PLEKHA5: variants seen among roughly 807,000 people sequenced by gnomAD.
PLEKHA5 encodes the protein pleckstrin homology domain-containing family A member 5.
PLEKHA5 carries 55 observed loss-of-function variants against 181.9 expected under a neutral mutation model. That is an observed-to-expected ratio of 0.30 (90% CI 0.24 to 0.38). The LOEUF (loss-of-function observed/expected upper bound fraction) is 0.38. Ranked by LOEUF, PLEKHA5 falls within the 10% of genes least tolerant of loss-of-function variation. PLEKHA5 has a pLI of 1.00. For missense variants in PLEKHA5, 1,432 were observed against 1,549.5 expected (o/e 0.92, Z 1.27); for synonymous variants, 535 against 529.4 (o/e 1.01, Z -0.15).
chr12:19,356,101 G>T (rs1273917069), intron 26 of PLEKHA5, among the ~76,000 whole-genome samples: 4 of 151,672 alleles, frequency 2.6e-5, no homozygotes, highest in African/African-American at 9.7e-5. Flanking sequence ...GGAGGCGGAG[G>T]TCGCAGTGAG....
chr12:19,176,268 A>G (rs1398742825), intron 3 of PLEKHA5: 1 of 85,790 alleles, frequency 1.2e-5, no homozygotes, highest in Non-Finnish European at 2.5e-5. Context: ...AATAAAGTAG[A>G]TAAGTAATTT....
chr12:19,349,523 T>G (rs2094489486), intron 25 of PLEKHA5, among the ~76,000 whole-genome samples: 1 of 152,110 alleles, frequency 6.6e-6, no homozygotes, highest in South Asian at 2.1e-4. Flanking sequence ...ATTTCTGTAA[T>G]GTATACTCTG....
intron 3 of PLEKHA5, among the ~76,000 whole-genome samples, chr12:19,192,194 A>G (rs531406445): frequency 3.2e-4 from 48 of 152,286 alleles, no homozygotes; most frequent in African/African-American, 1.1e-3. Context: ...TTATTTTTCA[A>G]TTTTATAAAA....
chr12:19,291,803 CAT>C (rs2078528608), intron 15 of PLEKHA5, 106 bp downstream of exon 15: 2 of 595,940 alleles, frequency 3.4e-6, no homozygotes, highest in Admixed American at 6.6e-5. Flanking sequence ...GAATTAATAA[CAT>C]GACTTTTACA....
intron 3 of PLEKHA5, chr12:19,150,600 T>C (rs1395164776): frequency 1.3e-5 from 2 of 152,268 alleles, no homozygotes; most frequent in Admixed American, 6.5e-5. Context: ...AGTGCCTTTC[T>C]GTTCTTAGGA....
rs188964008 is a variant in PLEKHA5 at position 19,326,799 on chromosome 12, G to A, written c.2448+4132G>A. On this transcript the variant is annotated intron_variant, in intron 20 of 31. Coordinates refer to ENST00000429027, the MANE Select transcript of PLEKHA5 (RefSeq NM_001256470.2). ...GAGTACCAGTGTTTAGCTTCCACCT[G>A]TAAGTGAGAACATACGGTATTTGGT... Among the ~76,000 whole-genome samples the A allele has an allele frequency of 5.5e-4, 84 of 152,248 alleles. 1 individual carries two copies. The highest frequency in any genetic ancestry group is 1.8e-3 in the African/African-American group (76 of 41,540).
intron 3 of PLEKHA5, among the ~76,000 whole-genome samples, chr12:19,253,699 A>G (rs1434498880): frequency 2.7e-5 from 4 of 150,830 alleles, no homozygotes; most frequent in African/African-American, 9.9e-5. Flanking sequence ...GGGCGCCTAT[A>G]ATCCAAGCTA....
At chr12:19,349,249 G>A (rs2094475761) in intron 25 of PLEKHA5, among the ~76,000 whole-genome samples, 1 of 151,870 alleles carries the variant, frequency 6.6e-6, no homozygotes. Flanking sequence ...CCAAGTAGCT[G>A]GGACTACAGG....
chr12:19,259,776 T>C lies in PLEKHA5; in HGVS notation c.538-1173T>C, dbSNP rs2152586431. On this transcript the variant is annotated intron_variant, in intron 6 of 31. Transcript: ENST00000429027. ...AAAAAAAAAAAAATTGAAGATATCA[T>C]TTGCCATTTAATTTTTTTTTTTTTT... 1.4e-5 allele frequency among the ~76,000 whole-genome samples: 2 copies of C among 140,124 alleles called. 1 individual carries two copies. The highest frequency in any genetic ancestry group is 4.7e-4 in the South Asian group (2 of 4,252). The allele number at this position is 140,124 out of a possible 152,430, so 91.9% of individuals were successfully genotyped here.
At chr12:19,267,724 G>A (rs1387155463) in intron 8 of PLEKHA5, among the ~76,000 whole-genome samples, 1 of 151,776 alleles carries the variant, frequency 6.6e-6, no homozygotes, top group Non-Finnish European at 1.5e-5. Flanking sequence ...AGCACTTTGG[G>A]AGGCTGAGGC....
chr12:19,292,595 C>A lies in PLEKHA5; in HGVS notation c.2037+898C>A, dbSNP rs184420649. Among the ~76,000 whole-genome samples the A allele has an allele frequency of 2.6e-3, 402 of 152,266 alleles. 1 individual carries two copies. Among genetic ancestry groups the A allele is most frequent in the Middle Eastern group, 0.017 (5 of 294 alleles). On this transcript the variant is annotated intron_variant, in intron 15 of 31. Coordinates refer to ENST00000429027, the MANE Select transcript of PLEKHA5 (RefSeq NM_001256470.2). ...TAGGAGGCTCACATTCCTAGCATTA[C>A]CTCAGTGGTGGCACCAGGTGTGCCT...
chr12:19,333,820 A>G (rs1313455003), intron 20 of PLEKHA5, among the ~76,000 whole-genome samples: 1 of 151,892 alleles, frequency 6.6e-6, no homozygotes, highest in Non-Finnish European at 1.5e-5. Flanking sequence ...TATGTTGACC[A>G]GGCTGGTCTT....
chr12:19,258,089 A>G (rs2067337939), intron 6 of PLEKHA5, among the ~76,000 whole-genome samples: 1 of 151,752 alleles, frequency 6.6e-6, no homozygotes, highest in African/African-American at 2.4e-5. Context: ...TTGCTCATAC[A>G]GGGTTTACTC....
chr12:19,275,052 A>T, intron 11 of PLEKHA5, 69 bp downstream of exon 11: 1 of 990,858 alleles, frequency 1.0e-6, no homozygotes, highest in South Asian at 1.5e-5. Flanking sequence ...TTGGTTTCTG[A>T]GCTACTGATT....
intron 12 of PLEKHA5, among the ~76,000 whole-genome samples, chr12:19,284,480 A>C (rs1004524000): frequency 1.3e-5 from 2 of 152,206 alleles, no homozygotes; most frequent in East Asian, 1.9e-4. Context: ...CATGAGGATA[A>C]AAGTGTTAAC....
At chr12:19,204,698 A>T (rs1038872665) in intron 3 of PLEKHA5, among the ~76,000 whole-genome samples, 1 of 152,166 alleles carries the variant, frequency 6.6e-6, no homozygotes, top group African/African-American at 2.4e-5. Context: ...ATTATTTAAT[A>T]TGTAAACAAC....
intron 21 of PLEKHA5, among the ~76,000 whole-genome samples, chr12:19,342,749 C>T (rs528895497): frequency 6.6e-6 from 1 of 152,110 alleles, no homozygotes; most frequent in Non-Finnish European, 1.5e-5. Flanking sequence ...TGCACTCCAG[C>T]CTGGGCGACA....
chr12:19,353,978 TAAG>T lies in PLEKHA5; in HGVS notation c.3119_3121del (p.Lys1040del), dbSNP rs1471403771. ...CTTCCTATGTAACCTTGAGGAAAAC[TAAG>T]AAGATGATGGATCTAAGAACGGTAT... On this transcript the variant is annotated inframe_deletion, in exon 26 of 32. Coordinates refer to ENST00000429027, the MANE Select transcript of PLEKHA5 (RefSeq NM_001256470.2). 6.3e-7 allele frequency: 1 copy of T among 1,578,490 alleles called. No homozygotes were observed. The highest frequency in any genetic ancestry group is 1.7e-5 in the Admixed American group (1 of 59,804).
At chr12:19,363,292 C>T (rs1419968319) in intron 29 of PLEKHA5, among the ~76,000 whole-genome samples, 10 of 151,614 alleles carry the variant, frequency 6.6e-5, no homozygotes, top group Non-Finnish European at 1.3e-4. Flanking sequence ...GCTCAGACTA[C>T]AGGCGCGTGT....
Sources: gnomAD v4.1 joint callset for allele counts (sites outside exome capture counted in the v4.1 genomes callset) on GRCh38, gnomAD v4.1.1 for gene constraint, MANE v1.5 for transcripts, NCBI Gene and HGNC (gene_info 2026-07-23, HGNC 2026-07-21) for gene names.